Variants in AGBL1 observed in about 807,000 individuals in gnomAD.
AGBL1 encodes AGBL carboxypeptidase 1.
A neutral mutation model predicts 118.9 loss-of-function variants in AGBL1; 130 were observed. That is an observed-to-expected ratio of 1.09 (90% CI 0.95 to 1.26). AGBL1 has a LOEUF of 1.26. AGBL1 is among the 50% of genes most tolerant of loss of function. The pLI is 0.00. For synonymous variants in AGBL1, 555 were observed against 478.9 expected, an observed-to-expected ratio of 1.16 and a Z score of -2.08; for missense variants, 1,584 against 1,298.1, an observed-to-expected ratio of 1.22 and a Z score of -3.38.
rs934513407 is a variant in AGBL1 at position 86,615,682 on chromosome 15, A to G, written c.2995-58591A>G. 1.3e-5 allele frequency among the ~76,000 whole-genome samples: 2 copies of G among 152,184 alleles called. No individual in the cohort carries two copies. Among genetic ancestry groups the G allele is most frequent in the African/African-American group, 4.8e-5 (2 of 41,452 alleles). ...GGACAGCTGGCATGGGTGCAAAGAC[A>G]TTGATTGACATGTTAAGAAGATTCA... On this transcript the variant is annotated intron_variant, in intron 21 of 22. Transcript: ENST00000614907. This position sits in a 1 kb window ranked among gnomAD's most constrained non-coding sequence, Gnocchi z 4.3.
intron 21 of AGBL1, among the ~76,000 whole-genome samples, chr15:86,599,334 AT>A (rs60044624): frequency 0.22 from 32,612 of 148,870 alleles, 3,900 homozygotes; most frequent in East Asian, 0.43. Flanking sequence ...AGATGTTTCC[AT>A]TTTTTTTTTA....
At chr15:86,110,638 G>GCCA (rs1156899680) in intron 1 of AGBL1, among the ~76,000 whole-genome samples, 1 of 152,062 alleles carries the variant, frequency 6.6e-6, no homozygotes, top group East Asian at 1.9e-4. Context: ...GTAGAATTGG[G>GCCA]CCACCAGTTT....
intron 24 of AGBL1, among the ~76,000 whole-genome samples, chr15:87,023,657 T>A (rs1230416255): frequency 6.6e-6 from 1 of 152,008 alleles, no homozygotes; most frequent in African/African-American, 2.4e-5. Flanking sequence ...TACAGAACAT[T>A]CCATCCAACA....
intron 22 of AGBL1, among the ~76,000 whole-genome samples, chr15:86,793,019 A>T (rs1053653340): frequency 1.3e-5 from 2 of 152,222 alleles, no homozygotes; most frequent in Non-Finnish European, 2.9e-5. Flanking sequence ...GTTAAAAAAA[A>T]TAGTAACCGT....
intron 21 of AGBL1, among the ~76,000 whole-genome samples, chr15:86,658,195 A>C (rs1223510852): frequency 1.3e-5 from 2 of 152,124 alleles, no homozygotes; most frequent in Non-Finnish European, 2.9e-5. Context: ...TTTTGGTCAC[A>C]GCACTTTCAA....
intron 21 of AGBL1, among the ~76,000 whole-genome samples, chr15:86,637,275 C>A (rs542826157): frequency 2.0e-5 from 3 of 151,950 alleles, no homozygotes; most frequent in Admixed American, 6.6e-5. Context: ...AGTGGAGGGT[C>A]ATGAAAAGTG....
At chr15:87,009,251 T>C (rs921827298) in intron 24 of AGBL1, among the ~76,000 whole-genome samples, 2 of 152,122 alleles carry the variant, frequency 1.3e-5, no homozygotes, top group African/African-American at 2.4e-5. Flanking sequence ...GCATTGCACC[T>C]ACTCCAGCCA....
At chr15:86,311,788 G>T (rs1038425443) in intron 17 of AGBL1, among the ~76,000 whole-genome samples, 3 of 152,182 alleles carry the variant, frequency 2.0e-5, no homozygotes, top group Non-Finnish European at 4.4e-5. Flanking sequence ...CAGCTGTTCT[G>T]ATCTGTGAGG....
chr15:86,390,660 A>ATTTTTTTTTTTTTTTTTTTTTTTTTTTTT (rs756052402), intron 17 of AGBL1, among the ~76,000 whole-genome samples: 1 of 75,474 alleles, frequency 1.3e-5, no homozygotes, highest in Non-Finnish European at 2.4e-5. Flanking sequence ...ATACTGTATG[A>ATTTTTTTTTTTTTTTTTTTTTTTTTTTTT]TTTTTTTTTT....
chr15:86,956,890 C>A (rs2080937035), intron 23 of AGBL1, among the ~76,000 whole-genome samples: 1 of 152,112 alleles, frequency 6.6e-6, no homozygotes. Flanking sequence ...ATAAGTTAAA[C>A]ATGCAGCATA....
intron 24 of AGBL1, among the ~76,000 whole-genome samples, chr15:87,008,912 G>A (rs2081530663): frequency 6.6e-6 from 1 of 152,188 alleles, no homozygotes; most frequent in Non-Finnish European, 1.5e-5. Context: ...AAGCATTCAA[G>A]AGATTACTTG....
At position 86,171,084 on chromosome 15, in the gene AGBL1, G is replaced by A. The variant is rs565343660; in HGVS notation, c.488+12058G>A. Among the ~76,000 whole-genome samples, 15 of 152,016 alleles carry A rather than the reference G, an allele frequency of 9.9e-5. No individual in the cohort carries two copies. The South Asian group carries it at 2.1e-3, about 21-fold the overall frequency. On this transcript the variant is annotated intron_variant, in intron 5 of 22. Transcript: ENST00000614907. ...ACTGCTGATGAAATAAAGACTTTTC[G>A]GACATACAAAAACTAAAAGACATCA...
At chr15:86,792,061 C>T (rs896741076) in intron 22 of AGBL1, among the ~76,000 whole-genome samples, 9 of 152,244 alleles carry the variant, frequency 5.9e-5, no homozygotes, top group African/African-American at 1.9e-4. Context: ...TAACACAATT[C>T]CTTGCCTCAA....
intron 21 of AGBL1, among the ~76,000 whole-genome samples, chr15:86,646,702 A>AG (rs1486374190): frequency 2.0e-5 from 3 of 152,152 alleles, no homozygotes; most frequent in East Asian, 1.9e-4. Context: ...ACTGAAAGTC[A>AG]GGGGGTCACA....
chr15:86,172,559 C>A (rs959540136), intron 5 of AGBL1, among the ~76,000 whole-genome samples: 12 of 152,256 alleles, frequency 7.9e-5, no homozygotes, highest in African/African-American at 2.9e-4. Context: ...CCCATGAGAT[C>A]AACTTTTTAG....
At chr15:86,462,874 G>A (rs549078588) in intron 18 of AGBL1, among the ~76,000 whole-genome samples, 8 of 152,226 alleles carry the variant, frequency 5.3e-5, no homozygotes, top group African/African-American at 1.7e-4. Context: ...CCAATTCTTA[G>A]CTATTGTGAA....
intron 17 of AGBL1, among the ~76,000 whole-genome samples, chr15:86,355,819 C>G (rs778445767): frequency 1.3e-5 from 2 of 152,170 alleles, no homozygotes; most frequent in Non-Finnish European, 2.9e-5. Flanking sequence ...AGTGACATCT[C>G]TTGGAGGTTT....
chr15:86,760,008 T>C (rs540099914), intron 22 of AGBL1, among the ~76,000 whole-genome samples: 82 of 152,198 alleles, frequency 5.4e-4, no homozygotes, highest in African/African-American at 1.7e-3. Flanking sequence ...ATAGGAACTG[T>C]AGGAACCTTC....
chr15:86,389,203 TA>T (rs1395697315), intron 17 of AGBL1, among the ~76,000 whole-genome samples: 1 of 152,134 alleles, frequency 6.6e-6, no homozygotes. Context: ...GAAATTTCGA[TA>T]AAAGTTTTTT....
Sources: gnomAD v4.1 joint callset for allele counts (sites outside exome capture counted in the v4.1 genomes callset) on GRCh38, gnomAD v4.1.1 for gene constraint, Gnocchi (gnomAD v3.1) non-coding constraint, MANE v1.5 for transcripts, NCBI Gene and HGNC (gene_info 2026-07-23, HGNC 2026-07-21) for gene names.